TRPC5: variants seen among roughly 807,000 people sequenced by gnomAD.
TRPC5 encodes short transient receptor potential channel 5.
In TRPC5, 9 loss-of-function variants were observed where a neutral mutation model predicts 56.5. The observed-to-expected ratio is 0.16, with a 90% CI of 0.10 to 0.28. The LOEUF (loss-of-function observed/expected upper bound fraction) is 0.28, where lower values mean the gene tolerates loss of function less well. Ranked by LOEUF, TRPC5 falls within the 10% of genes least tolerant of loss-of-function variation. The probability of loss-of-function intolerance (pLI) is 1.00; values close to 1 mark genes in which losing one functional copy is unlikely to be tolerated. For synonymous variants in TRPC5, 282 were observed against 278.5 expected (o/e 1.01, Z -0.13); for missense variants, 469 against 748.9 (o/e 0.63, Z 4.36).
intron 1 of TRPC5, among the ~76,000 whole-genome samples, chrX:112,000,063 A>T (rs933942575): frequency 4.4e-5 from 5 of 112,470 alleles, no homozygotes; most frequent in Admixed American, 1.9e-4. Context: ...AGCACTTTGC[A>T]CGGTATAGTT....
intron 6 of TRPC5, among the ~76,000 whole-genome samples, chrX:111,843,845 T>C (rs1454728278): frequency 9.4e-6 from 1 of 106,631 alleles, no homozygotes; most frequent in African/African-American, 3.5e-5. Flanking sequence ...GGAGAAATGA[T>C]TTAGGCCTGA....
chrX:111,937,907 A>G (rs1487072273), intron 2 of TRPC5, among the ~76,000 whole-genome samples: 1 of 103,597 alleles, frequency 9.7e-6, no homozygotes, highest in Non-Finnish European at 2.0e-5. Context: ...CTTGATGGGG[A>G]TGGCATTGAA....
chrX:111,876,045 AAAAC>A (rs2148595948), intron 3 of TRPC5: 1 of 110,715 alleles, frequency 9.0e-6, no homozygotes, highest in East Asian at 2.8e-4. Flanking sequence ...GAAAAAAAAA[AAAAC>A]TAGAAAAGAC....
At chrX:111,926,804 G>T (rs1015459132) in intron 2 of TRPC5, among the ~76,000 whole-genome samples, 1 of 112,047 alleles carries the variant, frequency 8.9e-6, no homozygotes, top group African/African-American at 3.2e-5. Flanking sequence ...ATTCAAGTAG[G>T]CTGGATCCAA....
chrX:111,917,010 G>A (rs759063117), intron 2 of TRPC5, among the ~76,000 whole-genome samples: 74 of 112,959 alleles, frequency 6.6e-4, no homozygotes, highest in African/African-American at 2.3e-3. Context: ...TTGACCACGG[G>A]GAACCACTGA....
At chrX:111,790,326 G>A (rs1247360773) in intron 7 of TRPC5, among the ~76,000 whole-genome samples, 1 of 111,270 alleles carries the variant, frequency 9.0e-6, no homozygotes, top group Admixed American at 9.5e-5. Flanking sequence ...ACCACACACT[G>A]CATGTTCTCA....
intron 1 of TRPC5, among the ~76,000 whole-genome samples, chrX:112,037,853 C>A (rs1929788683): frequency 8.9e-6 from 1 of 111,865 alleles, no homozygotes; most frequent in African/African-American, 3.2e-5. Flanking sequence ...ACTGGGCCAA[C>A]CTTCTACTGC....
intron 2 of TRPC5, among the ~76,000 whole-genome samples, chrX:111,937,070 T>G (rs1926606683): frequency 9.5e-6 from 1 of 105,813 alleles, no homozygotes; most frequent in African/African-American, 3.7e-5. Context: ...ATTGTGGTTT[T>G]GATTTGCATT....
chrX:111,777,067 A>C, intron 10 of TRPC5, 65 bp from the exon 11 acceptor site: 1 of 944,058 alleles, frequency 1.1e-6, no homozygotes, highest in Non-Finnish European at 1.4e-6. Context: ...TAGGCACATT[A>C]GATACCTTTG....
intron 7 of TRPC5, among the ~76,000 whole-genome samples, chrX:111,825,209 TTCTTTCTTTCTTCTTTCTTTCTC>T (rs1569525921): frequency 3.2e-4 from 24 of 73,980 alleles, no homozygotes; most frequent in South Asian, 6.7e-4. Context: ...CTTTCTTTCT[TTCTTTCTTTCTTCTTTCTTTCTC>T]TCTCTCTCTC....
intron 1 of TRPC5, among the ~76,000 whole-genome samples, chrX:112,060,502 T>C (rs914584881): frequency 1.8e-5 from 2 of 112,208 alleles, no homozygotes; most frequent in African/African-American, 6.5e-5. Context: ...TTTAGCATAA[T>C]AAATTACTTA....
intron 6 of TRPC5, among the ~76,000 whole-genome samples, chrX:111,840,424 T>C (rs1312773845): frequency 8.9e-6 from 1 of 112,208 alleles, no homozygotes; most frequent in Admixed American, 9.4e-5. Flanking sequence ...AGCATGTAAA[T>C]GCTATATTGT....
At chrX:111,954,206 G>A (rs917448660) in intron 1 of TRPC5, among the ~76,000 whole-genome samples, 1 of 112,082 alleles carries the variant, frequency 8.9e-6, no homozygotes, top group African/African-American at 3.2e-5. Flanking sequence ...AATGAGTGGG[G>A]GAGAGAAGGG....
chrX:111,838,555 T>C (rs1455317242), intron 6 of TRPC5, among the ~76,000 whole-genome samples: 1 of 111,588 alleles, frequency 9.0e-6, no homozygotes, highest in African/African-American at 3.3e-5. Flanking sequence ...CAAAGGACTA[T>C]CTTTTCAATT....
At chrX:111,802,784 C>T (rs1039218759) in intron 7 of TRPC5, among the ~76,000 whole-genome samples, 12 of 111,881 alleles carry the variant, frequency 1.1e-4, no homozygotes, top group Non-Finnish European at 2.3e-4. Context: ...CTATCTATAT[C>T]ACCTCATTTC....
chrX:111,901,458 A>T (rs1324533149), intron 3 of TRPC5: 2 of 115,473 alleles, frequency 1.7e-5, no homozygotes, highest in African/African-American at 6.5e-5. Context: ...AATTCTTGAT[A>T]GGGGTAACCA....
chrX:111,990,791 G>C (rs1928333728), intron 1 of TRPC5, among the ~76,000 whole-genome samples: 1 of 112,015 alleles, frequency 8.9e-6, no homozygotes, highest in Non-Finnish European at 1.9e-5. Flanking sequence ...ACTACAGAGA[G>C]ATCGAATTGT....
At chrX:112,066,456 C>A (rs941635186) in intron 1 of TRPC5, among the ~76,000 whole-genome samples, 1 of 111,762 alleles carries the variant, frequency 8.9e-6, no homozygotes, top group Admixed American at 9.5e-5. Context: ...AGGGGATACC[C>A]ACCAATAAAT....
chrX:111,782,287 C>A (rs1227304420), intron 7 of TRPC5, 149 bp from the exon 8 acceptor site: 2 of 432,406 alleles, frequency 4.6e-6, no homozygotes, highest in Non-Finnish European at 7.6e-6. Flanking sequence ...CACCCAGTAA[C>A]CCTACTCTTA....
Sources: gnomAD v4.1 joint callset for allele counts (sites outside exome capture counted in the v4.1 genomes callset) on GRCh38, gnomAD v4.1.1 for gene constraint, MANE v1.5 for transcripts, NCBI Gene and HGNC (gene_info 2026-07-23, HGNC 2026-07-21) for gene names.